CWF19L2: variants seen among roughly 807,000 people sequenced by gnomAD.
CWF19L2 encodes CWF19-like protein 2.
A neutral mutation model predicts 111.7 loss-of-function variants in CWF19L2; 98 were observed. The observed-to-expected ratio is 0.88, with a 90% CI of 0.75 to 1.04. The LOEUF is 1.04. CWF19L2 is among the 50% of genes least tolerant of loss of function. The pLI is 0.00. For missense variants in CWF19L2, 1,101 were observed against 1,051.4 expected (o/e 1.05, Z -0.65); for synonymous variants, 351 against 342.9 (o/e 1.02, Z -0.26).
intron 8 of CWF19L2, among the ~76,000 whole-genome samples, chr11:107,425,414 T>C (rs976233945): frequency 1.3e-5 from 2 of 151,896 alleles, no homozygotes; most frequent in Admixed American, 6.6e-5. Flanking sequence ...CAAATACTTA[T>C]CATTGTGTTA....
chr11:107,367,607 C>T (rs1304648559), intron 12 of CWF19L2, among the ~76,000 whole-genome samples: 1 of 120,096 alleles, frequency 8.3e-6, no homozygotes, highest in Admixed American at 8.3e-5. Flanking sequence ...TATTCTCACT[C>T]ATAGGTGGGA....
At chr11:107,342,229 T>C (rs534950667) in intron 14 of CWF19L2, among the ~76,000 whole-genome samples, 1 of 152,190 alleles carries the variant, frequency 6.6e-6, no homozygotes, top group African/African-American at 2.4e-5. Context: ...TCTTAACATG[T>C]TGTAATTTCA....
chr11:107,447,884 A>G (rs1182024511), intron 3 of CWF19L2, among the ~76,000 whole-genome samples: 1 of 152,188 alleles, frequency 6.6e-6, no homozygotes, highest in Non-Finnish European at 1.5e-5. Context: ...ACTTTAACAC[A>G]GCTATCATAA....
At chr11:107,389,885 A>T (rs539180960) in intron 12 of CWF19L2, among the ~76,000 whole-genome samples, 189 bp downstream of exon 12, 1 of 152,164 alleles carries the variant, frequency 6.6e-6, no homozygotes, top group Non-Finnish European at 1.5e-5. Context: ...AAAACAAACA[A>T]CATTTCAACT....
At chr11:107,419,821 A>G (rs1435072486) in intron 8 of CWF19L2, among the ~76,000 whole-genome samples, 2 of 152,178 alleles carry the variant, frequency 1.3e-5, no homozygotes, top group African/African-American at 4.8e-5. Flanking sequence ...CCCACCATAC[A>G]TGTAACGGAA....
intron 10 of CWF19L2, among the ~76,000 whole-genome samples, chr11:107,405,998 C>G (rs1290629472): frequency 6.6e-6 from 1 of 151,970 alleles, no homozygotes; most frequent in Admixed American, 6.6e-5. Context: ...GCAAAGGAAA[C>G]AACTAAGAAC....
At position 107,372,284 on chromosome 11, in the gene CWF19L2, A is replaced by G. The variant is rs1283426475; in HGVS notation, c.1872+17790T>C. Among the ~76,000 whole-genome samples the G allele has an allele frequency of 1.5e-5, 2 of 135,936 alleles. 1 individual carries two copies. Among genetic ancestry groups the G allele is most frequent in the African/African-American group, 5.9e-5 (2 of 33,802 alleles). The allele number at this position is 135,936 out of a possible 152,430, so 89.2% of individuals were successfully genotyped here. A position where few individuals can be genotyped will look rare whatever the true frequency, so the allele number is the denominator to read the frequency against. ...CAGAGGGAGTAAACGAGTCAGAGGT[A>G]AAGGCTTCCCTGAAAGAGTTATGAT... On this transcript the variant is annotated intron_variant, in intron 12 of 17. Coordinates refer to ENST00000282251, the MANE Select transcript of CWF19L2 (RefSeq NM_152434.3).
At chr11:107,408,669 T>C (rs1335253347) in intron 10 of CWF19L2, among the ~76,000 whole-genome samples, 1 of 151,952 alleles carries the variant, frequency 6.6e-6, no homozygotes, top group South Asian at 2.1e-4. Flanking sequence ...ACAGATACTT[T>C]AAGGAGGGTT....
intron 14 of CWF19L2, among the ~76,000 whole-genome samples, chr11:107,340,549 T>C (rs1327596459): frequency 6.6e-6 from 1 of 152,240 alleles, no homozygotes; most frequent in African/African-American, 2.4e-5. Context: ...CAATATCACA[T>C]AGTCTTGATT....
chr11:107,330,514 C>T (rs747643335), intron 16 of CWF19L2, among the ~76,000 whole-genome samples: 27 of 151,846 alleles, frequency 1.8e-4, no homozygotes, highest in Non-Finnish European at 3.2e-4. Context: ...GAAGTGGATA[C>T]AGCAACACTT....
In CWF19L2 at chr11:107,429,022, C is replaced by G; in HGVS notation, c.1210G>C (p.Gly404Arg). ...CTGTTCTTGGTGGGTTTTCTAAAAC[C>G]ACTACACAAAGAGCCCTGAGCTACC... ...ALVAQGSLCS[G>R]FRKPTKNSEE... The change falls in exon 8 of 18, where the codon GGT (glycine) becomes CGT (arginine). Residue 404 changes from glycine (G) to arginine (R), a missense_variant. Physicochemically the swap from Gly to Arg is moderately radical, Grantham distance 125. Transcript: ENST00000282251. 2 of 1,613,724 alleles carry G rather than the reference C, an allele frequency of 1.2e-6. No individual in the cohort carries two copies. The highest frequency in any genetic ancestry group is 1.3e-5 in the African/African-American group (1 of 74,988).
In CWF19L2 at chr11:107,397,567, T is replaced by C. The variant is rs887539831; in HGVS notation, c.1618-4672A>G. 7.3e-5 allele frequency among the ~76,000 whole-genome samples: 11 copies of C among 150,080 alleles called. 1 individual carries two copies. The highest frequency in any genetic ancestry group is 2.1e-4 in the South Asian group (1 of 4,702). On this transcript the variant is annotated intron_variant, in intron 10 of 17. Transcript: ENST00000282251. Reference sequence around the variant, plus strand: ...CAGGCCTAGCCCCGCCCCCACCTGATGATCCTTCCCAATCCACTCTGGTAG... The same window carrying C: ...CAGGCCTAGCCCCGCCCCCACCTGACGATCCTTCCCAATCCACTCTGGTAG...
At chr11:107,394,092 A>C (rs1446843523) in intron 10 of CWF19L2, among the ~76,000 whole-genome samples, 1 of 152,194 alleles carries the variant, frequency 6.6e-6, no homozygotes, top group African/African-American at 2.4e-5. Flanking sequence ...AACAAGACCA[A>C]GCAAAATATT....
intron 12 of CWF19L2, among the ~76,000 whole-genome samples, chr11:107,365,280 T>A (rs1420490192): frequency 7.1e-6 from 1 of 140,386 alleles, no homozygotes; most frequent in African/African-American, 2.7e-5. Flanking sequence ...TCTGAAACTA[T>A]TCCAATCAAT....
Position 107,439,131 on chromosome 11 carries a change from C to A in CWF19L2, c.623G>T (p.Gly208Val). ...CACACTACAGTCTTCAGGTGGAAGA[C>A]CTGTCCCACCATCCTTCCAGTACGG... ...LNPYWKDGGT[G>V]LPPEDCSVSS... Residue 208 changes from glycine to valine, a missense_variant, in exon 6 of 18, where the codon GGT (glycine) becomes GTT (valine). Gly to Val is a moderately radical substitution (Grantham distance 109). Coordinates refer to ENST00000282251, the MANE Select transcript of CWF19L2 (RefSeq NM_152434.3). 6.2e-7 allele frequency: 1 copy of A among 1,605,840 alleles called. No homozygotes were observed. The highest frequency in any genetic ancestry group is 1.1e-5 in the South Asian group (1 of 90,600).
At chr11:107,417,467 T>A (rs1861243508) in intron 9 of CWF19L2, among the ~76,000 whole-genome samples, 1 of 152,218 alleles carries the variant, frequency 6.6e-6, no homozygotes, top group Admixed American at 6.5e-5. Context: ...ACAGCACATT[T>A]ACTTAAAACT....
chr11:107,357,033 C>A (rs1183811361), intron 12 of CWF19L2, among the ~76,000 whole-genome samples: 3 of 145,796 alleles, frequency 2.1e-5, no homozygotes, highest in African/African-American at 7.7e-5. Flanking sequence ...AGTGAAACTG[C>A]GTCTCAAACA....
intron 8 of CWF19L2, among the ~76,000 whole-genome samples, chr11:107,426,683 T>TA (rs1284479882): frequency 6.6e-6 from 1 of 151,826 alleles, no homozygotes; most frequent in Non-Finnish European, 1.5e-5. Context: ...AAAAGATCTT[T>TA]AAGATATACT....
rs1860523891 is a variant in CWF19L2, at chr11:107,372,410, A to G, written c.1872+17664T>C. 1.5e-5 allele frequency among the ~76,000 whole-genome samples: 2 copies of G among 136,188 alleles called. 1 individual carries two copies. Among genetic ancestry groups the G allele is most frequent in the African/African-American group, 5.9e-5 (2 of 33,890 alleles). 89.3% of individuals were successfully genotyped at this position (136,188 alleles called of 152,430 possible). On this transcript the variant is annotated intron_variant, in intron 12 of 17. Transcript: ENST00000282251. ...GGAAACAGCAAATGCAGTCTGTGGC[A>G]GCAGAAAGCACATTAATTTGAGAAA...
Sources: allele counts gnomAD v4.1 joint callset (sites outside exome capture counted in the v4.1 genomes callset), GRCh38; gene constraint gnomAD v4.1.1; transcripts MANE v1.5; gene names NCBI Gene and HGNC (gene_info 2026-07-23, HGNC 2026-07-21).